The following CWC27 variants were observed in gnomAD, a reference collection of about 807,000 sequenced individuals.
CWC27 encodes the protein CWC27 spliceosome associated cyclophilin, also known as spliceosome-associated protein CWC27 homolog.
CWC27 carries 47 observed loss-of-function variants against 63.6 expected under a neutral mutation model. The ratio of observed to expected loss-of-function variants is 0.74; its 90% CI spans 0.58 to 0.94. The LOEUF (loss-of-function observed/expected upper bound fraction) is 0.94, where lower values mean the gene tolerates loss of function less well. CWC27 is among the 40% of genes least tolerant of loss of function. CWC27 has a pLI of 0.00. For missense variants in CWC27, 495 were observed against 554.3 expected (o/e 0.89, Z 1.07); for synonymous variants, 175 against 179.8 (o/e 0.97, Z 0.22).
intron 10 of CWC27, chr5:64,808,429 T>C: frequency 1.3e-6 from 1 of 753,604 alleles, no homozygotes; most frequent in South Asian, 6.1e-5. Context: ...TCTTTGTGTA[T>C]CCTTATACTG....
Position 64,995,569 on chromosome 5 carries a change from G to GT in CWC27, c.1256+18340dup, listed in dbSNP as rs562855834. Reference sequence around the variant, plus strand: ...TATTATATTAGGTCATTGTTATCATGTTTTTTTTTCTAAATTGTTAGCCAC... The same window carrying GT: ...TATTATATTAGGTCATTGTTATCATGTTTTTTTTTTCTAAATTGTTAGCCAC... On this transcript the variant is annotated intron_variant, in intron 13 of 13. Transcript: ENST00000381070. 2.3e-3 allele frequency among the ~76,000 whole-genome samples: 348 copies of GT among 149,192 alleles called. 2 individuals carry two copies. Among genetic ancestry groups the GT allele is most frequent in the Non-Finnish European group, 4.2e-3 (282 of 67,482 alleles).
intron 11 of CWC27, among the ~76,000 whole-genome samples, chr5:64,935,116 G>C (rs1007806270): frequency 8.5e-5 from 13 of 152,048 alleles, no homozygotes; most frequent in South Asian, 4.1e-4. Flanking sequence ...AATTAGATCT[G>C]ATTTGTCAAT....
chr5:64,814,396 G>A (rs532905047), intron 10 of CWC27, among the ~76,000 whole-genome samples: 42 of 152,184 alleles, frequency 2.8e-4, no homozygotes, highest in African/African-American at 9.6e-4. Context: ...GGGCTGTGAA[G>A]GGTTCATAGG....
Position 64,786,511 on chromosome 5 carries a change from T to C in CWC27, c.496-13T>C, listed in dbSNP as rs1041122061. ...AAAATGGAATAATGTTTTCGAAATA[T>C]TTTTTTTCATAGGTTTTGTTTAATC... On this transcript the variant is annotated splice_polypyrimidine_tract_variant and intron_variant, in intron 5 of 13. Coordinates refer to ENST00000381070, the MANE Select transcript of CWC27 (RefSeq NM_005869.4). 8 of 1,440,790 alleles carry C rather than the reference T, an allele frequency of 5.6e-6. No homozygotes were observed. In the African/African-American group the frequency reaches 8.8e-5, roughly 16 times the overall value. 89.3% of individuals were successfully genotyped at this position (1,440,790 alleles called of 1,614,324 possible).
chr5:64,955,085 TATG>T (rs1349912272), intron 11 of CWC27, among the ~76,000 whole-genome samples: 1 of 152,076 alleles, frequency 6.6e-6, no homozygotes, highest in Non-Finnish European at 1.5e-5. Context: ...AAATGAAAAA[TATG>T]ATATCTACTC....
At chr5:64,946,526 A>G (rs750885925) in intron 11 of CWC27, among the ~76,000 whole-genome samples, 1 of 152,172 alleles carries the variant, frequency 6.6e-6, no homozygotes, top group Non-Finnish European at 1.5e-5. Context: ...TGTGATGGGC[A>G]TTCAGATTCA....
chr5:64,956,586 C>T (rs1374890070), intron 11 of CWC27, among the ~76,000 whole-genome samples: 2 of 152,154 alleles, frequency 1.3e-5, no homozygotes, highest in African/African-American at 2.4e-5. Context: ...ATCAGAACCT[C>T]TCATGTTATT....
At chr5:64,787,010 G>A (rs932694028) in intron 6 of CWC27, among the ~76,000 whole-genome samples, 2 of 152,098 alleles carry the variant, frequency 1.3e-5, no homozygotes, top group Admixed American at 6.6e-5. Context: ...AAGGCAGCAG[G>A]GGAGAGAGCG....
chr5:64,900,974 A>G (rs1747489182), intron 11 of CWC27, among the ~76,000 whole-genome samples: 1 of 152,060 alleles, frequency 6.6e-6, no homozygotes, highest in African/African-American at 2.4e-5. Flanking sequence ...AAACCTTCTT[A>G]AAACATTATG....
At chr5:65,007,712 T>C (rs1164746485) in intron 13 of CWC27, among the ~76,000 whole-genome samples, 1 of 150,808 alleles carries the variant, frequency 6.6e-6, no homozygotes, top group Non-Finnish European at 1.5e-5. Context: ...ACTGCAAGCT[T>C]CGCCTCCCGG....
intron 11 of CWC27, among the ~76,000 whole-genome samples, chr5:64,936,390 G>C (rs1379194844): frequency 6.6e-6 from 1 of 152,182 alleles, no homozygotes; most frequent in Non-Finnish European, 1.5e-5. Flanking sequence ...CTGTTTATGT[G>C]ATGGATTACG....
chr5:64,823,090 A>T (rs1745253805), intron 10 of CWC27, among the ~76,000 whole-genome samples: 3 of 152,190 alleles, frequency 2.0e-5, no homozygotes, highest in Admixed American at 2.0e-4. Context: ...AATTTTTCTG[A>T]ATCTCCTGCT....
intron 10 of CWC27, among the ~76,000 whole-genome samples, chr5:64,855,692 T>C (rs1189032797): frequency 6.6e-6 from 1 of 152,104 alleles, no homozygotes; most frequent in Non-Finnish European, 1.5e-5. Flanking sequence ...ATCATGACCA[T>C]TTCACAATAA....
chr5:64,871,592 C>T lies in CWC27; in HGVS notation c.939-13851C>T, dbSNP rs531556057. 1.7e-3 allele frequency among the ~76,000 whole-genome samples: 258 copies of T among 152,196 alleles called. 1 individual carries two copies. Among genetic ancestry groups the T allele is most frequent in the African/African-American group, 6.1e-3 (254 of 41,534 alleles). ...AAGCAGAGCTGAGACCATGAAGAAC[C>T]TTGCAGTCTTAAGGAGTTTGGACTT... On this transcript the variant is annotated intron_variant, in intron 10 of 13. Transcript: ENST00000381070.
At chr5:64,991,269 G>A (rs1749531613) in intron 13 of CWC27, among the ~76,000 whole-genome samples, 1 of 152,048 alleles carries the variant, frequency 6.6e-6, no homozygotes, top group Admixed American at 6.5e-5. Flanking sequence ...GGAGGTAGTG[G>A]GTAGTAACCT....
At chr5:64,935,761 C>T (rs1748336020) in intron 11 of CWC27, among the ~76,000 whole-genome samples, 1 of 151,896 alleles carries the variant, frequency 6.6e-6, no homozygotes, top group Admixed American at 6.6e-5. Flanking sequence ...CGTTTGTGTC[C>T]TCTCTTACTT....
chr5:64,900,669 A>G (rs941600914), intron 11 of CWC27, among the ~76,000 whole-genome samples: 59 of 151,454 alleles, frequency 3.9e-4, no homozygotes, highest in African/African-American at 1.4e-3. Context: ...TTTTTTTTAG[A>G]AATTTTGTAG....
chr5:64,834,469 T>C (rs1042227136), intron 10 of CWC27, among the ~76,000 whole-genome samples: 2 of 151,728 alleles, frequency 1.3e-5, no homozygotes, highest in African/African-American at 4.8e-5. Flanking sequence ...TAACCTCATG[T>C]TTATAATTTA....
chr5:64,807,162 C>A (rs1368236111), intron 10 of CWC27, among the ~76,000 whole-genome samples: 2 of 152,110 alleles, frequency 1.3e-5, no homozygotes, highest in Non-Finnish European at 2.9e-5. Flanking sequence ...TCCATTTAAG[C>A]AGTAGGATCA....
Sources: allele counts gnomAD v4.1 joint callset (sites outside exome capture counted in the v4.1 genomes callset), GRCh38; gene constraint gnomAD v4.1.1; transcripts MANE v1.5; gene names NCBI Gene and HGNC (gene_info 2026-07-23, HGNC 2026-07-21).